The following PID1 variants were observed in gnomAD, a reference collection of about 807,000 sequenced individuals.
The protein encoded by PID1 is PTB-containing, cubilin and LRP1-interacting protein.
Under a neutral mutation model 19.1 loss-of-function variants are expected in PID1, and 10 were observed. That is an observed-to-expected ratio of 0.52 (90% CI 0.32 to 0.89). PID1 has a LOEUF of 0.89. PID1 is among the 40% of genes least tolerant of loss of function. The pLI, the probability that PID1 is intolerant of heterozygous loss-of-function variation, is 0.03. For missense variants in PID1, 248 were observed against 285.3 expected (o/e 0.87, Z 0.94); for synonymous variants, 130 against 116.0 (o/e 1.12, Z -0.78).
intron 2 of PID1, among the ~76,000 whole-genome samples, chr2:229,031,837 T>C (rs754070796): frequency 1.6e-4 from 25 of 152,216 alleles, no homozygotes; most frequent in Non-Finnish European, 3.4e-4. Context: ...GGAAGTCAAT[T>C]ACTTACTGCC....
intron 1 of PID1, among the ~76,000 whole-genome samples, chr2:229,259,785 T>C (rs764436906): frequency 6.6e-6 from 1 of 152,154 alleles, no homozygotes; most frequent in African/African-American, 2.4e-5. Context: ...GATGAAACCT[T>C]TGGGGAGGTC....
chr2:229,083,839 C>T lies in PID1; in HGVS notation c.178-57731G>A, dbSNP rs878987621. On this transcript the variant is annotated intron_variant, in intron 2 of 2. Coordinates refer to ENST00000392055, the MANE Select transcript of PID1 (RefSeq NM_001100818.2). ...ACGTGCAATAGCTCAAAACAGCCAACGCCACAAGAGAGCTGCCACAGGGGC... is the reference window on the plus strand; with the variant it reads ...ACGTGCAATAGCTCAAAACAGCCAATGCCACAAGAGAGCTGCCACAGGGGC... 2.6e-5 allele frequency among the ~76,000 whole-genome samples: 4 copies of T among 152,156 alleles called. 1 individual carries two copies. The highest frequency in any genetic ancestry group is 1.5e-5 in the Non-Finnish European group (1 of 68,030).
At chr2:229,043,068 C>A (rs922054258) in intron 2 of PID1, among the ~76,000 whole-genome samples, 1 of 150,096 alleles carries the variant, frequency 6.7e-6, no homozygotes, top group Admixed American at 6.7e-5. Flanking sequence ...TGCAGTGGAG[C>A]GATCTTGGAT....
intron 2 of PID1, among the ~76,000 whole-genome samples, chr2:229,099,701 C>T (rs748220612): frequency 3.3e-5 from 5 of 152,144 alleles, no homozygotes; most frequent in African/African-American, 9.7e-5. Flanking sequence ...CCTAGAAGAC[C>T]TATCTCTTGG....
At chr2:229,196,402 G>T (rs1691379299) in intron 1 of PID1, among the ~76,000 whole-genome samples, 1 of 151,908 alleles carries the variant, frequency 6.6e-6, no homozygotes, top group Non-Finnish European at 1.5e-5. Context: ...GATAATCAAA[G>T]AATCTATGGC....
At chr2:229,219,118 C>G (rs1691910680) in intron 1 of PID1, among the ~76,000 whole-genome samples, 1 of 152,162 alleles carries the variant, frequency 6.6e-6, no homozygotes, top group African/African-American at 2.4e-5. Context: ...CTACAAATTA[C>G]CTAGTTCAGG....
At chr2:229,033,727 T>C (rs1402369091) in intron 2 of PID1, among the ~76,000 whole-genome samples, 1 of 152,086 alleles carries the variant, frequency 6.6e-6, no homozygotes, top group Non-Finnish European at 1.5e-5. Flanking sequence ...CTGTAGGACA[T>C]ACAATATGTA....
intron 2 of PID1, among the ~76,000 whole-genome samples, chr2:229,050,692 C>T (rs987735366): frequency 2.0e-5 from 3 of 152,094 alleles, no homozygotes; most frequent in African/African-American, 7.2e-5. Context: ...CTTGTCCTGC[C>T]ATTAGCCATC....
chr2:229,141,309 C>A (rs1574661629), intron 2 of PID1, among the ~76,000 whole-genome samples: 1 of 152,002 alleles, frequency 6.6e-6, no homozygotes, highest in Non-Finnish European at 1.5e-5. Context: ...TCCTGATAGA[C>A]CAGGATTGTT....
intron 1 of PID1, among the ~76,000 whole-genome samples, chr2:229,172,056 G>C (rs1344830492): frequency 6.6e-6 from 1 of 152,144 alleles, no homozygotes; most frequent in Admixed American, 6.5e-5. Context: ...CTGTGCACAG[G>C]AGTTATGGCC....
chr2:229,214,338 C>T (rs1031581991), intron 1 of PID1, among the ~76,000 whole-genome samples: 1 of 152,172 alleles, frequency 6.6e-6, no homozygotes, highest in East Asian at 1.9e-4. Context: ...GAGGATCCCC[C>T]ATCCGGAGCA....
intron 1 of PID1, among the ~76,000 whole-genome samples, chr2:229,266,388 A>T (rs1275312084): frequency 2.0e-5 from 3 of 152,154 alleles, no homozygotes; most frequent in African/African-American, 7.2e-5. Context: ...CTTCAATGGC[A>T]CTTGTGAATT....
chr2:229,156,266 T>C (rs1166587052), intron 1 of PID1, among the ~76,000 whole-genome samples: 2 of 152,222 alleles, frequency 1.3e-5, no homozygotes, highest in Non-Finnish European at 2.9e-5. Context: ...CAGATGAAAT[T>C]GTGGCAATGG....
rs202210916 is a variant in PID1 at position 229,249,849 on chromosome 2, A to G, written c.30+21165T>C. Among the ~76,000 whole-genome samples, 379 of 113,034 alleles carry G rather than the reference A, an allele frequency of 3.4e-3. 7 individuals carry two copies. In the Middle Eastern group the frequency reaches 0.035, roughly 10 times the overall value. 74.2% of individuals were successfully genotyped at this position (113,034 alleles called of 152,430 possible). A position where few individuals can be genotyped will look rare whatever the true frequency, so the allele number is the denominator to read the frequency against. ...GACAGGAGTATGATCCCCCAGGCAG[A>G]GCAGGCGGCTGACAGAAAAGGATAT... On this transcript the variant is annotated intron_variant, in intron 1 of 2. Coordinates refer to ENST00000392055, the MANE Select transcript of PID1 (RefSeq NM_001100818.2).
chr2:229,205,208 A>T (rs1691583264), intron 1 of PID1, among the ~76,000 whole-genome samples: 1 of 151,958 alleles, frequency 6.6e-6, no homozygotes, highest in African/African-American at 2.4e-5. Flanking sequence ...ACACATGCAC[A>T]CATGCTACAC....
chr2:229,064,865 C>A (rs1466144240), intron 2 of PID1, among the ~76,000 whole-genome samples: 1 of 151,912 alleles, frequency 6.6e-6, no homozygotes, highest in African/African-American at 2.4e-5. Flanking sequence ...AAAGAGAGCC[C>A]ATAAATGTAG....
At chr2:229,056,095 G>C (rs1574591256) in intron 2 of PID1, among the ~76,000 whole-genome samples, 2 of 152,130 alleles carry the variant, frequency 1.3e-5, no homozygotes, top group Non-Finnish European at 2.9e-5. Flanking sequence ...ATCTATTCAT[G>C]GGTACTGTTC....
intron 1 of PID1, among the ~76,000 whole-genome samples, chr2:229,209,549 T>C (rs970972601): frequency 2.2e-4 from 33 of 152,272 alleles, no homozygotes; most frequent in Admixed American, 2.0e-3. Context: ...GATCCCTGAA[T>C]CACCACATGG....
At chr2:229,243,422 T>A (rs747602899) in intron 1 of PID1, among the ~76,000 whole-genome samples, 1 of 152,110 alleles carries the variant, frequency 6.6e-6, no homozygotes, top group Non-Finnish European at 1.5e-5. Context: ...AGGTTTATAA[T>A]TCCCCACTCT....
Sources: gnomAD v4.1 joint callset for allele counts (sites outside exome capture counted in the v4.1 genomes callset) on GRCh38, gnomAD v4.1.1 for gene constraint, MANE v1.5 for transcripts, NCBI Gene and HGNC (gene_info 2026-07-23, HGNC 2026-07-21) for gene names.